FAR2: variants seen among roughly 807,000 people sequenced by gnomAD.
The protein encoded by FAR2 is epididymis secretory protein Li 81.
FAR2 carries 19 observed loss-of-function variants against 56.0 expected under a neutral mutation model. That is an observed-to-expected ratio of 0.34 (90% confidence interval 0.24 to 0.50). The LOEUF is 0.50. Ranked by LOEUF, FAR2 falls within the 20% of genes least tolerant of loss-of-function variation. The pLI is 0.98. For missense variants in FAR2, 508 were observed against 642.2 expected (o/e 0.79, Z 2.26); for synonymous variants, 219 against 218.8 (o/e 1.00, Z -0.01).
intron 1 of FAR2, among the ~76,000 whole-genome samples, chr12:29,206,278 G>A (rs1177054554): frequency 6.6e-6 from 1 of 152,300 alleles, no homozygotes; most frequent in East Asian, 1.9e-4. Flanking sequence ...ACATTCCTTC[G>A]AGATTTGGTA....
chr12:29,218,472 G>T lies in FAR2; in HGVS notation c.-38-51940G>T, dbSNP rs115238279. 9.7e-3 allele frequency among the ~76,000 whole-genome samples: 1,470 copies of T among 152,174 alleles called. 17 individuals are homozygous for T. Among genetic ancestry groups the T allele is most frequent in the African/African-American group, 0.028 (1,144 of 41,526 alleles). On this transcript the variant is annotated intron_variant, in intron 1 of 11. Coordinates refer to ENST00000536681, the MANE Select transcript of FAR2 (RefSeq NM_001271783.2). ...CCAACTGAAGCAAGGAGAAAAGAAA[G>T]GAATGAAAGCTAAAACTGAACAGGG...
At chr12:29,261,443 G>A (rs900961691) in intron 1 of FAR2, among the ~76,000 whole-genome samples, 2 of 152,116 alleles carry the variant, frequency 1.3e-5, no homozygotes, top group Non-Finnish European at 2.9e-5. Flanking sequence ...TCTCAAAAGA[G>A]CAAATGTAAG....
intron 1 of FAR2, among the ~76,000 whole-genome samples, chr12:29,242,943 A>G (rs537768313): frequency 1.1e-4 from 17 of 152,324 alleles, no homozygotes; most frequent in African/African-American, 3.8e-4. Context: ...ATGAAAATCT[A>G]CCAAATGAGA....
intron 1 of FAR2, among the ~76,000 whole-genome samples, chr12:29,211,204 T>A (rs559277440): frequency 3.3e-5 from 5 of 152,196 alleles, no homozygotes; most frequent in Non-Finnish European, 7.4e-5. Context: ...GACAGGAGAA[T>A]TGCTTGAACC....
At chr12:29,198,848 G>C (rs918055997) in intron 1 of FAR2, among the ~76,000 whole-genome samples, 1 of 152,112 alleles carries the variant, frequency 6.6e-6, no homozygotes, top group Admixed American at 6.5e-5. Context: ...TCATCCAGAG[G>C]CATTTGAAGT....
At chr12:29,276,740 A>T (rs1159571096) in intron 2 of FAR2, among the ~76,000 whole-genome samples, 2 of 152,156 alleles carry the variant, frequency 1.3e-5, no homozygotes, top group Non-Finnish European at 2.9e-5. Flanking sequence ...TCCCTTTGAA[A>T]TTGAAAATTC....
At position 29,316,967 on chromosome 12, in the gene FAR2, C is replaced by A; in HGVS notation, c.1082C>A (p.Ala361Asp). Reference sequence around the variant, plus strand: ...AATGCGGTCAGCCACCGGGCCCCTGCCATTATCTATGACTGCTATCTGCGG... The same window carrying A: ...AATGCGGTCAGCCACCGGGCCCCTGACATTATCTATGACTGCTATCTGCGG... ...YWNAVSHRAP[A>D]IIYDCYLRLT... The change falls in exon 9 of 12, where the codon GCC becomes GAC. Residue 361 changes from alanine (A) to aspartate (D), a missense_variant. By Grantham distance (126) the Ala-to-Asp change is moderately radical (BLOSUM62 -2). Transcript: ENST00000536681. 1 of 1,613,950 alleles carries A rather than the reference C, an allele frequency of 6.2e-7. No homozygotes were observed.
intron 1 of FAR2, among the ~76,000 whole-genome samples, chr12:29,209,056 G>A (rs1246305067): frequency 6.6e-6 from 1 of 151,576 alleles, no homozygotes; most frequent in African/African-American, 2.4e-5. Context: ...ATTCAGGCAG[G>A]AGGTAATTCA....
intron 1 of FAR2, among the ~76,000 whole-genome samples, chr12:29,165,604 C>T (rs1949818929): frequency 6.6e-6 from 1 of 152,108 alleles, no homozygotes; most frequent in Non-Finnish European, 1.5e-5. Context: ...ATGTAGTAGA[C>T]ACATTTCTAT....
intron 1 of FAR2, among the ~76,000 whole-genome samples, chr12:29,193,881 TC>T (rs1248474796): frequency 6.6e-6 from 1 of 152,196 alleles, no homozygotes; most frequent in East Asian, 1.9e-4. Context: ...GAATGAGAGT[TC>T]CTATCGCTCC....
At chr12:29,314,702 T>C (rs1949417210) in intron 8 of FAR2, among the ~76,000 whole-genome samples, 1 of 152,012 alleles carries the variant, frequency 6.6e-6, no homozygotes, top group South Asian at 2.1e-4. Flanking sequence ...AGCAGAATAC[T>C]CAGGCAAAAT....
chr12:29,314,743 C>T (rs908895073), intron 8 of FAR2, among the ~76,000 whole-genome samples: 7 of 152,008 alleles, frequency 4.6e-5, no homozygotes, highest in African/African-American at 1.7e-4. Flanking sequence ...ACACCTCCCA[C>T]CAAATTGCCA....
In FAR2 at chr12:29,160,163, T is replaced by G. The variant is rs535545523; in HGVS notation, c.-39+10756T>G. On this transcript the variant is annotated intron_variant, in intron 1 of 11. Transcript: ENST00000536681. ...GAGCCATTAAGTGGGCCATTTTAGT[T>G]CCTTGAAGTCCTCTAGACTTTGGCC... 2.0e-5 allele frequency among the ~76,000 whole-genome samples: 3 copies of G among 152,336 alleles called. No homozygotes were observed. In the East Asian group the frequency reaches 5.8e-4, roughly 29 times the overall value.
intron 1 of FAR2, among the ~76,000 whole-genome samples, chr12:29,215,278 A>G (rs1028816030): frequency 6.6e-6 from 1 of 152,240 alleles, no homozygotes; most frequent in African/African-American, 2.4e-5. Context: ...AATTTAAAAA[A>G]CAAGAAACCT....
At chr12:29,151,079 A>G (rs751736391) in intron 1 of FAR2, among the ~76,000 whole-genome samples, 3 of 152,212 alleles carry the variant, frequency 2.0e-5, no homozygotes, top group Admixed American at 6.5e-5. Context: ...CTGCTTTCCT[A>G]TCTCCTGAGG....
intron 1 of FAR2, among the ~76,000 whole-genome samples, chr12:29,213,886 A>G (rs1470011694): frequency 6.6e-6 from 1 of 152,148 alleles, no homozygotes; most frequent in African/African-American, 2.4e-5. Flanking sequence ...CCAAGATGGC[A>G]AACTTTGTGG....
chr12:29,265,985 A>G (rs993148094), intron 1 of FAR2, among the ~76,000 whole-genome samples: 1 of 152,176 alleles, frequency 6.6e-6, no homozygotes, highest in African/African-American at 2.4e-5. Flanking sequence ...ACTCCAGTTA[A>G]AATGGCTTTT....
At chr12:29,152,568 G>T (rs1194912936) in intron 1 of FAR2, among the ~76,000 whole-genome samples, 2 of 152,162 alleles carry the variant, frequency 1.3e-5, no homozygotes, top group African/African-American at 4.8e-5. Context: ...CTTTATTAAG[G>T]TCTTCTAATG....
intron 1 of FAR2, among the ~76,000 whole-genome samples, chr12:29,212,311 C>A (rs1947560204): frequency 6.6e-6 from 1 of 152,026 alleles, no homozygotes; most frequent in Non-Finnish European, 1.5e-5. Context: ...CATTTTAGGT[C>A]TTTATTCTTG....
Sources: allele counts gnomAD v4.1 joint callset (sites outside exome capture counted in the v4.1 genomes callset), GRCh38; gene constraint gnomAD v4.1.1; transcripts MANE v1.5; gene names NCBI Gene and HGNC (gene_info 2026-07-23, HGNC 2026-07-21).